ANKS6: variants seen among roughly 807,000 people sequenced by gnomAD.
ANKS6 encodes ankyrin repeat and sterile alpha motif domain containing 6, also known as ankyrin repeat and SAM domain-containing protein 6.
In ANKS6, 47 loss-of-function variants were observed where a neutral mutation model predicts 77.9. The observed-to-expected ratio is 0.60, with a 90% CI of 0.48 to 0.77. ANKS6 has a LOEUF of 0.77. Among genes scored for constraint, ANKS6 ranks in the 30% least tolerant of loss-of-function variants. The probability of loss-of-function intolerance (pLI) is 0.00; values close to 1 mark genes in which losing one functional copy is unlikely to be tolerated. For synonymous variants in ANKS6, 488 were observed against 501.7 expected, an observed-to-expected ratio of 0.97 and a Z score of 0.37; for missense variants, 1,150 against 1,159.1, an observed-to-expected ratio of 0.99 and a Z score of 0.11.
chr9:98,756,184 T>C (rs111239162), intron 12 of ANKS6, among the ~76,000 whole-genome samples: 1 of 152,184 alleles, frequency 6.6e-6, no homozygotes, highest in Non-Finnish European at 1.5e-5. Flanking sequence ...TGTTTGTGCA[T>C]GTAAACAAAA....
At position 98,796,546 on chromosome 9, in the gene ANKS6, G is replaced by C. The variant is rs1835190871; in HGVS notation, c.-55C>G. On this transcript the variant is annotated 5_prime_UTR_variant, in exon 1 of 15. Coordinates refer to ENST00000353234, the MANE Select transcript of ANKS6 (RefSeq NM_173551.5). Reference sequence around the variant, plus strand: ...CCGCCCCGCCGGCCGCGTCGGCTCCGCCCCCGGATACCGCCCGCAGGCGCC... The same window carrying C: ...CCGCCCCGCCGGCCGCGTCGGCTCCCCCCCCGGATACCGCCCGCAGGCGCC... The C allele has an allele frequency of 4.2e-6, 4 of 958,644 alleles. No homozygotes were observed. The South Asian group carries it at 1.4e-4, about 34-fold the overall frequency. 59.4% of individuals were successfully genotyped at this position (958,644 alleles called of 1,614,324 possible).
At chr9:98,740,605 T>C (rs1831773606) in intron 14 of ANKS6, among the ~76,000 whole-genome samples, 1 of 152,198 alleles carries the variant, frequency 6.6e-6, no homozygotes, top group African/African-American at 2.4e-5. Flanking sequence ...TTAGCCTTAA[T>C]TTCCTGAGAA....
At chr9:98,765,386 T>C (rs1243812287) in intron 11 of ANKS6, among the ~76,000 whole-genome samples, 1 of 152,232 alleles carries the variant, frequency 6.6e-6, no homozygotes, top group Non-Finnish European at 1.5e-5. Flanking sequence ...CCTCTGTATG[T>C]AGTTCTGTGT....
intron 13 of ANKS6, among the ~76,000 whole-genome samples, chr9:98,750,607 G>A (rs566114887): frequency 1.3e-5 from 2 of 152,234 alleles, no homozygotes; most frequent in East Asian, 3.9e-4. Flanking sequence ...CTGCAGAACA[G>A]TATTCTTTTT....
At chr9:98,758,977 G>A (rs532542645) in intron 11 of ANKS6, among the ~76,000 whole-genome samples, 2 of 152,178 alleles carry the variant, frequency 1.3e-5, no homozygotes, top group Admixed American at 6.5e-5. Flanking sequence ...CCTACAATGT[G>A]GTTAGGTCAT....
chr9:98,780,458 TC>T, intron 5 of ANKS6, 121 bp from the exon 6 acceptor site: 1 of 1,232,468 alleles, frequency 8.1e-7, no homozygotes, highest in Non-Finnish European at 1.1e-6. Flanking sequence ...TCTGTGTAAT[TC>T]CAGAATCAAG....
chr9:98,780,409 C>A, intron 5 of ANKS6, 72 bp from the exon 6 acceptor site: 7 of 1,484,148 alleles, frequency 4.7e-6, no homozygotes, highest in South Asian at 1.3e-5. Context: ...CTCAAGATGA[C>A]CCCTGTTAGA....
In ANKS6 at chr9:98,732,687, C is replaced by A. The variant is rs748079421; in HGVS notation, c.*3832G>T. 34 of 1,475,922 alleles carry A rather than the reference C, an allele frequency of 2.3e-5. No homozygotes were observed. The highest frequency in any genetic ancestry group is 3.0e-5 in the Non-Finnish European group (34 of 1,116,782). The allele number at this position is 1,475,922 out of a possible 1,614,324, so 91.4% of individuals were successfully genotyped here. A position where few individuals can be genotyped will look rare whatever the true frequency, so the allele number is the denominator to read the frequency against. On this transcript the variant is annotated 3_prime_UTR_variant, in exon 15 of 15. Transcript: ENST00000353234. ...AAGGGCTTTCTCACTTTCACATGAT[C>A]CCTGGGGGCTACTATCCCCCTGTAA...
At position 98,796,517 on chromosome 9, in the gene ANKS6, C is replaced by T; in HGVS notation, c.-26G>A. 3 of 983,582 alleles carry T rather than the reference C, an allele frequency of 3.1e-6. No homozygotes were observed. Among genetic ancestry groups the T allele is most frequent in the South Asian group, 4.5e-5 (1 of 22,032 alleles). 60.9% of individuals were successfully genotyped at this position (983,582 alleles called of 1,614,324 possible). On this transcript the variant is annotated 5_prime_UTR_variant, in exon 1 of 15. Coordinates refer to ENST00000353234, the MANE Select transcript of ANKS6 (RefSeq NM_173551.5). ...CGCCGCCGCCACGCGCGGCCCGCTC[C>T]CGTCCGCCCCGCCGGCCGCGTCGGC...
At chr9:98,776,551 C>T (rs970934745) in intron 8 of ANKS6, among the ~76,000 whole-genome samples, 1 of 152,120 alleles carries the variant, frequency 6.6e-6, no homozygotes, top group Non-Finnish European at 1.5e-5. Context: ...CAGGCGCCCA[C>T]CACCATGCCC....
At chr9:98,741,986 T>C (rs1255550411) in intron 14 of ANKS6, among the ~76,000 whole-genome samples, 1 of 152,218 alleles carries the variant, frequency 6.6e-6, no homozygotes, top group Admixed American at 6.5e-5. Context: ...TGCAAAAGCA[T>C]GTTGCTATTT....
Position 98,736,056 on chromosome 9 carries a change from T to A in ANKS6, c.*463A>T. The A allele has an allele frequency of 8.5e-7, 1 of 1,182,834 alleles. No individual in the cohort carries two copies. Among genetic ancestry groups the A allele is most frequent in the Non-Finnish European group, 1.0e-6 (1 of 956,516 alleles). 73.3% of individuals were successfully genotyped at this position (1,182,834 alleles called of 1,614,324 possible). On this transcript the variant is annotated 3_prime_UTR_variant, in exon 15 of 15. Coordinates refer to ENST00000353234, the MANE Select transcript of ANKS6 (RefSeq NM_173551.5). ...GAAGCCACTATGTGGAGACTGCACA[T>A]CCTGGCCTCCTCTGCATCCAGGTGG...
At position 98,751,061 on chromosome 9, in the gene ANKS6, C is replaced by T; in HGVS notation, c.2362G>A (p.Glu788Lys). ...LTGILKKLSL[E>K]KYQPIFEEQE... ...TCCTCAAAAATGGGCTGATATTTCTCAAGTGATAATTTCTTAAGGATTCCA... is the reference window on the plus strand; with the variant it reads ...TCCTCAAAAATGGGCTGATATTTCTTAAGTGATAATTTCTTAAGGATTCCA... The change falls in exon 13 of 15, where the codon GAG (glutamate) becomes AAG (lysine). Residue 788 changes from glutamate to lysine, a missense_variant. Physicochemically the swap from Glu to Lys is moderately conservative, Grantham distance 56. Coordinates refer to ENST00000353234, the MANE Select transcript of ANKS6 (RefSeq NM_173551.5). 1 of 1,610,432 alleles carries T rather than the reference C, an allele frequency of 6.2e-7. No homozygotes were observed. Among genetic ancestry groups the T allele is most frequent in the South Asian group, 1.1e-5 (1 of 89,812 alleles).
intron 1 of ANKS6, 82 bp downstream of exon 1, chr9:98,796,051 G>A: frequency 2.4e-6 from 3 of 1,234,314 alleles, no homozygotes; most frequent in Non-Finnish European, 3.1e-6. Context: ...CACCTCCCGG[G>A]GCATCCGGCC....
chr9:98,745,153 T>C (rs1187208533), intron 14 of ANKS6, among the ~76,000 whole-genome samples: 1 of 152,192 alleles, frequency 6.6e-6, no homozygotes, highest in Non-Finnish European at 1.5e-5. Context: ...CTGAGCATTT[T>C]AGTCCTTGAC....
intron 7 of ANKS6, 65 bp downstream of exon 7, chr9:98,778,161 G>A (rs553856530): frequency 1.9e-6 from 3 of 1,553,526 alleles, no homozygotes; most frequent in African/African-American, 1.4e-5. Context: ...GAGGTAGGAT[G>A]AAGGGCAGAG....
Position 98,732,410 on chromosome 9 carries a change from C to T in ANKS6, c.*4109G>A. Reference sequence around the variant, plus strand: ...GCCATGCCAGGAAATCCAGTGACAGCAAGACCCAGAGTCAGGCACATTTGG... The same window carrying T: ...GCCATGCCAGGAAATCCAGTGACAGTAAGACCCAGAGTCAGGCACATTTGG... On this transcript the variant is annotated 3_prime_UTR_variant, in exon 15 of 15. Transcript: ENST00000353234. The T allele has an allele frequency of 7.3e-7, 1 of 1,369,884 alleles. No homozygotes were observed. Among genetic ancestry groups the T allele is most frequent in the Non-Finnish European group, 1.0e-6 (1 of 995,000 alleles). The allele number at this position is 1,369,884 out of a possible 1,614,324, so 84.9% of individuals were successfully genotyped here.
At chr9:98,768,342 G>T (rs552176917) in intron 10 of ANKS6, 92 bp from the exon 11 acceptor site, 95 of 1,487,526 alleles carry the variant, frequency 6.4e-5, no homozygotes, top group Non-Finnish European at 7.9e-5. Flanking sequence ...TTGGGTTGGA[G>T]CCAGTCTCCC....
intron 13 of ANKS6, among the ~76,000 whole-genome samples, chr9:98,746,503 G>A (rs1164965639): frequency 6.6e-6 from 1 of 152,074 alleles, no homozygotes; most frequent in African/African-American, 2.4e-5. Flanking sequence ...CAGATAGACG[G>A]AGTCATTTAA....
Sources: gnomAD v4.1 joint callset for allele counts (sites outside exome capture counted in the v4.1 genomes callset) on GRCh38, gnomAD v4.1.1 for gene constraint, MANE v1.5 for transcripts, NCBI Gene and HGNC (gene_info 2026-07-23, HGNC 2026-07-21) for gene names.